The following PDE8A variants were observed in gnomAD, a reference collection of about 807,000 sequenced individuals.
PDE8A encodes the protein high affinity cAMP-specific and IBMX-insensitive 3',5'-cyclic phosphodiesterase 8A.
In PDE8A, 59 loss-of-function variants were observed where a neutral mutation model predicts 105.0. The observed-to-expected ratio is 0.56, with a 90% CI of 0.46 to 0.70. The LOEUF is 0.70. PDE8A is among the 30% of genes least tolerant of loss of function. The pLI is 0.00. For missense variants in PDE8A, 1,014 were observed against 1,045.9 expected, an observed-to-expected ratio of 0.97 and a Z score of 0.42; for synonymous variants, 355 against 371.9, an observed-to-expected ratio of 0.95 and a Z score of 0.52.
At chr15:85,121,378 A>C (rs779806258) in intron 18 of PDE8A, among the ~76,000 whole-genome samples, 83 of 152,208 alleles carry the variant, frequency 5.5e-4, no homozygotes, top group Non-Finnish European at 9.8e-4. Flanking sequence ...AACCGTGATC[A>C]CACCACTGCA....
intron 17 of PDE8A, among the ~76,000 whole-genome samples, chr15:85,118,927 T>A (rs1393382792): frequency 2.6e-5 from 4 of 152,212 alleles, no homozygotes; most frequent in African/African-American, 2.4e-5. Flanking sequence ...CTCAGAACTT[T>A]CCGTGCTCCC....
intron 1 of PDE8A, among the ~76,000 whole-genome samples, chr15:85,030,648 C>T (rs2080599171): frequency 6.6e-6 from 1 of 152,176 alleles, no homozygotes; most frequent in Admixed American, 6.5e-5. Context: ...TCCATTTCAA[C>T]CATACTTAGT....
intron 2 of PDE8A, among the ~76,000 whole-genome samples, chr15:85,066,187 G>A (rs1197361262): frequency 6.6e-6 from 1 of 152,174 alleles, no homozygotes; most frequent in East Asian, 1.9e-4. Context: ...AAATATTAAT[G>A]TGTTTTAATT....
In PDE8A at chr15:85,011,180, C is replaced by T. The variant is rs149139571; in HGVS notation, c.186+28832C>T. On this transcript the variant is annotated intron_variant, in intron 1 of 21. Coordinates refer to ENST00000394553, the MANE Select transcript of PDE8A (RefSeq NM_002605.3). ...TTCAGTTAGATATGGGGAAGTGGCA[C>T]GTTCTCACTCACCATTCTAACCTGA... 2.9e-3 allele frequency among the ~76,000 whole-genome samples: 437 copies of T among 152,270 alleles called. 5 individuals carry two copies. Among genetic ancestry groups the T allele is most frequent in the African/African-American group, 9.6e-3 (399 of 41,554 alleles).
intron 3 of PDE8A, among the ~76,000 whole-genome samples, chr15:85,068,514 G>A (rs1223428127): frequency 1.3e-5 from 2 of 152,192 alleles, no homozygotes; most frequent in Non-Finnish European, 2.9e-5. Flanking sequence ...CTTCTCTGGG[G>A]ATGTTTTAGC....
chr15:85,117,816 T>C lies in PDE8A; in HGVS notation c.1711T>C (p.Phe571Leu). The C allele has an allele frequency of 6.2e-7, 1 of 1,613,974 alleles. No individual in the cohort carries two copies. Among genetic ancestry groups the C allele is most frequent in the Non-Finnish European group, 8.5e-7 (1 of 1,179,860 alleles). Residue 571 changes from phenylalanine (F) to leucine (L), a missense_variant, in exon 17 of 22, where the codon TTT becomes CTT. Transcript: ENST00000394553. ...TGATGTGCTTCATGCCACTGCCTATTTTCTCTCCAAGGAGAGGATAAAGGT... is the reference window on the plus strand; with the variant it reads ...TGATGTGCTTCATGCCACTGCCTATCTTCTCTCCAAGGAGAGGATAAAGGT... ...SADVLHATAY[F>L]LSKERIKETL...
intron 1 of PDE8A, 55 bp downstream of exon 1, chr15:84,982,403 G>C: frequency 5.0e-6 from 6 of 1,207,030 alleles, no homozygotes; most frequent in Non-Finnish European, 6.3e-6. Flanking sequence ...CGGCCAGTAA[G>C]CAACTTTCCC....
intron 1 of PDE8A, among the ~76,000 whole-genome samples, chr15:85,043,631 C>G (rs1396599810): frequency 6.6e-6 from 1 of 152,146 alleles, no homozygotes; most frequent in African/African-American, 2.4e-5. Flanking sequence ...TATTTAAGAA[C>G]TAGATCCTAC....
At chr15:85,031,119 T>C (rs900393008) in intron 1 of PDE8A, among the ~76,000 whole-genome samples, 1 of 152,210 alleles carries the variant, frequency 6.6e-6, no homozygotes, top group Non-Finnish European at 1.5e-5. Context: ...GAAATCTGTA[T>C]ATATTAGAAG....
intron 1 of PDE8A, among the ~76,000 whole-genome samples, chr15:85,012,464 C>T (rs947323654): frequency 9.4e-5 from 14 of 148,736 alleles, no homozygotes; most frequent in African/African-American, 3.2e-4. Context: ...AACCAAACAC[C>T]GCATGTTCTC....
chr15:85,109,002 A>T, intron 11 of PDE8A, 51 bp from the exon 12 acceptor site: 1 of 1,280,078 alleles, frequency 7.8e-7, no homozygotes, highest in South Asian at 1.3e-5. Context: ...ACCTTCCTTA[A>T]TATGTTGTTT....
intron 1 of PDE8A, among the ~76,000 whole-genome samples, chr15:85,012,170 C>G (rs2080249574): frequency 6.6e-6 from 1 of 152,148 alleles, no homozygotes; most frequent in Non-Finnish European, 1.5e-5. Flanking sequence ...ACTAGAAATA[C>G]CATTTGACCC....
chr15:85,099,706 G>A (rs2081825539), intron 9 of PDE8A: 2 of 340,046 alleles, frequency 5.9e-6, no homozygotes, highest in Non-Finnish European at 1.1e-5. Context: ...ATAAAAACAT[G>A]TTAAGGAACT....
chr15:85,089,298 T>C (rs1353612066), intron 6 of PDE8A, 40 bp from the exon 7 acceptor site: 3 of 1,016,232 alleles, frequency 3.0e-6, no homozygotes, highest in Non-Finnish European at 4.6e-6. Flanking sequence ...TATTTTGTAG[T>C]ATTTACATTA....
intron 1 of PDE8A, among the ~76,000 whole-genome samples, chr15:84,992,865 C>A (rs545189973): frequency 1.4e-4 from 21 of 152,128 alleles, no homozygotes; most frequent in African/African-American, 4.8e-4. Flanking sequence ...TTTGATGTTC[C>A]CCAAACCATG....
chr15:85,087,042 C>CTTTTTTTTTTT (rs34212320), intron 6 of PDE8A, among the ~76,000 whole-genome samples: 1 of 133,428 alleles, frequency 7.5e-6, no homozygotes. Flanking sequence ...ATGTTTTTTG[C>CTTTTTTTTTTT]TTTTTTTTTT....
intron 1 of PDE8A, among the ~76,000 whole-genome samples, chr15:85,028,459 CCTT>C (rs2141368743): frequency 6.6e-6 from 1 of 152,280 alleles, no homozygotes; most frequent in Admixed American, 6.5e-5. Flanking sequence ...AAGTGATCCT[CCTT>C]CCTCAGCCTC....
At chr15:85,070,611 G>A (rs1017665849) in intron 3 of PDE8A, among the ~76,000 whole-genome samples, 3 of 152,162 alleles carry the variant, frequency 2.0e-5, no homozygotes, top group Admixed American at 6.5e-5. Context: ...AGAGGGAGCG[G>A]CATGTGTAGA....
intron 1 of PDE8A, among the ~76,000 whole-genome samples, chr15:85,007,306 T>A (rs2080164072): frequency 6.6e-6 from 1 of 151,642 alleles, no homozygotes; most frequent in Non-Finnish European, 1.5e-5. Context: ...GTGGTGGTGG[T>A]AAGTGAAGAC....
Sources: gnomAD v4.1 joint callset for allele counts (sites outside exome capture counted in the v4.1 genomes callset) on GRCh38, gnomAD v4.1.1 for gene constraint, MANE v1.5 for transcripts, NCBI Gene and HGNC (gene_info 2026-07-23, HGNC 2026-07-21) for gene names.